THSD4: variants seen among roughly 807,000 people sequenced by gnomAD.
THSD4 encodes thrombospondin type-1 domain-containing protein 4.
THSD4 carries 69 observed loss-of-function variants against 119.0 expected under a neutral mutation model. That is an observed-to-expected ratio of 0.58 (90% CI 0.48 to 0.71). The LOEUF (loss-of-function observed/expected upper bound fraction) is 0.71, where lower values mean the gene tolerates loss of function less well. THSD4 is among the 30% of genes least tolerant of loss of function. THSD4 has a pLI of 0.00. For synonymous variants in THSD4, 524 were observed against 540.4 expected (o/e 0.97, Z 0.42); for missense variants, 1,393 against 1,391.1 (o/e 1.00, Z -0.02).
intron 6 of THSD4, among the ~76,000 whole-genome samples, chr15:71,400,308 G>A (rs1393841086): frequency 6.6e-6 from 1 of 152,152 alleles, no homozygotes; most frequent in African/African-American, 2.4e-5. Flanking sequence ...TTCAGAACAG[G>A]AAAAGCTAAG....
chr15:71,522,974 C>T (rs1015847960), intron 7 of THSD4, among the ~76,000 whole-genome samples: 1 of 152,152 alleles, frequency 6.6e-6, no homozygotes, highest in African/African-American at 2.4e-5. Context: ...ACAACATCAA[C>T]ACACATGTGC....
At chr15:71,476,940 G>C (rs567445458) in intron 7 of THSD4, among the ~76,000 whole-genome samples, 33 of 152,290 alleles carry the variant, frequency 2.2e-4, no homozygotes, top group African/African-American at 7.5e-4. Flanking sequence ...TATAGGGTGA[G>C]CATGAGTGAA....
chr15:71,612,203 A>G (rs2140912592), intron 7 of THSD4, among the ~76,000 whole-genome samples: 1 of 152,292 alleles, frequency 6.6e-6, no homozygotes, highest in Middle Eastern at 3.4e-3. Flanking sequence ...GAATGACCTG[A>G]CATCTTTGTG....
chr15:71,761,582 G>A (rs1300642665), intron 15 of THSD4, among the ~76,000 whole-genome samples: 1 of 152,106 alleles, frequency 6.6e-6, no homozygotes, highest in Non-Finnish European at 1.5e-5. Context: ...TCACAAAGTT[G>A]TACAACCATA....
intron 7 of THSD4, among the ~76,000 whole-genome samples, chr15:71,530,354 G>C (rs1383398494): frequency 6.6e-6 from 1 of 152,116 alleles, no homozygotes; most frequent in African/African-American, 2.4e-5. Context: ...CTTCTTGCCA[G>C]CTCAGCTCCT....
chr15:71,291,201 G>GA, intron 6 of THSD4, among the ~76,000 whole-genome samples: 1 of 152,186 alleles, frequency 6.6e-6, no homozygotes, highest in East Asian at 1.9e-4. Flanking sequence ...TATGACTATG[G>GA]AAAAAATAGT....
intron 6 of THSD4, among the ~76,000 whole-genome samples, chr15:71,393,913 A>G (rs1238114763): frequency 2.0e-5 from 3 of 152,176 alleles, no homozygotes; most frequent in South Asian, 4.1e-4. Flanking sequence ...GATTGAGGCA[A>G]TCACTAAGAT....
At chr15:71,475,662 C>G (rs1595803804) in intron 7 of THSD4, among the ~76,000 whole-genome samples, 1 of 152,230 alleles carries the variant, frequency 6.6e-6, no homozygotes, top group East Asian at 1.9e-4. Flanking sequence ...GTGGCTCATG[C>G]CTTTAGTCTT....
intron 7 of THSD4, among the ~76,000 whole-genome samples, chr15:71,620,246 T>C (rs2050396645): frequency 6.6e-6 from 1 of 152,116 alleles, no homozygotes; most frequent in South Asian, 2.1e-4. Context: ...TGAAGTGAGC[T>C]AACTAATGAA....
intron 7 of THSD4, among the ~76,000 whole-genome samples, chr15:71,513,328 C>T (rs2048310342): frequency 1.3e-5 from 2 of 152,200 alleles, no homozygotes; most frequent in African/African-American, 4.8e-5. Flanking sequence ...ATTGGCTCCT[C>T]ACCCTGTTTC....
intron 4 of THSD4, among the ~76,000 whole-genome samples, chr15:71,237,765 C>T (rs1044262756): frequency 6.6e-6 from 1 of 152,122 alleles, no homozygotes; most frequent in Non-Finnish European, 1.5e-5. Flanking sequence ...GCAGATGACA[C>T]ATTTCCAGGG....
intron 6 of THSD4, among the ~76,000 whole-genome samples, chr15:71,401,966 G>A (rs1041598034): frequency 1.1e-4 from 17 of 152,218 alleles, no homozygotes; most frequent in African/African-American, 4.1e-4. Context: ...CATGGATGAA[G>A]CTGGAAACCA....
At chr15:71,361,068 AAGG>A (rs1353532007) in intron 6 of THSD4, among the ~76,000 whole-genome samples, 7 of 152,178 alleles carry the variant, frequency 4.6e-5, no homozygotes, top group African/African-American at 1.7e-4. Flanking sequence ...CTGAAAGAAA[AAGG>A]AGAAGAGGTG....
intron 6 of THSD4, among the ~76,000 whole-genome samples, chr15:71,360,104 C>T (rs901529803): frequency 6.6e-6 from 1 of 152,150 alleles, no homozygotes; most frequent in African/African-American, 2.4e-5. Context: ...CTGGATTCAT[C>T]CGAAGGCTTC....
chr15:71,140,981 A>G (rs1048612156), intron 1 of THSD4, among the ~76,000 whole-genome samples: 1 of 152,184 alleles, frequency 6.6e-6, no homozygotes, highest in African/African-American at 2.4e-5. Flanking sequence ...GACTCTTTTC[A>G]CTTAATATAA....
chr15:71,423,839 A>G (rs987160562), intron 7 of THSD4, among the ~76,000 whole-genome samples: 5 of 152,188 alleles, frequency 3.3e-5, no homozygotes, highest in African/African-American at 1.2e-4. Context: ...AAGCCTTGCC[A>G]TAACTCAAGT....
intron 7 of THSD4, among the ~76,000 whole-genome samples, chr15:71,574,389 G>A (rs1005240482): frequency 3.3e-5 from 5 of 152,102 alleles, no homozygotes; most frequent in African/African-American, 1.2e-4. Flanking sequence ...TAATTAAAAG[G>A]TATGCTGACT....
chr15:71,597,796 TC>T (rs1567054873), intron 7 of THSD4, among the ~76,000 whole-genome samples: 1 of 152,072 alleles, frequency 6.6e-6, no homozygotes, highest in Non-Finnish European at 1.5e-5. Flanking sequence ...TCCCTTCTCG[TC>T]CCCAGGCGTG....
chr15:71,396,274 CAT>C (rs2140477456), intron 6 of THSD4, among the ~76,000 whole-genome samples: 1 of 151,202 alleles, frequency 6.6e-6, no homozygotes, highest in South Asian at 2.1e-4. Context: ...CATGTACACA[CAT>C]AAAACATGTA....
Sources: allele counts gnomAD v4.1 joint callset (sites outside exome capture counted in the v4.1 genomes callset), GRCh38; gene constraint gnomAD v4.1.1; transcripts MANE v1.5; gene names NCBI Gene and HGNC (gene_info 2026-07-23, HGNC 2026-07-21).